The following EVC2 variants were observed in gnomAD, a reference collection of about 807,000 sequenced individuals.
EVC2 encodes the protein limbin.
Under a neutral mutation model 149.3 loss-of-function variants are expected in EVC2, and 148 were observed. The observed-to-expected ratio is 0.99, with a 90% CI of 0.87 to 1.14. The LOEUF is 1.14. Among genes scored for constraint, EVC2 ranks in the 50% most tolerant of loss-of-function variants. The pLI is 0.00. For synonymous variants in EVC2, 776 were observed against 649.9 expected (o/e 1.19, Z -2.95); for missense variants, 1,854 against 1,627.3 (o/e 1.14, Z -2.40).
intron 7 of EVC2, among the ~76,000 whole-genome samples, chr4:5,667,186 TA>T (rs1441509902): frequency 1.3e-5 from 2 of 152,082 alleles, no homozygotes; most frequent in African/African-American, 4.8e-5. Flanking sequence ...TCCATTTCAC[TA>T]AAATAAAAAT....
downstream of EVC2, among the ~76,000 whole-genome samples, chr4:5,561,995 G>C (rs1475942697): frequency 6.6e-6 from 1 of 152,168 alleles, no homozygotes; most frequent in Non-Finnish European, 1.5e-5. Flanking sequence ...GCCCCAGTGA[G>C]ATATTACTGG....
chr4:5,652,716 G>A (rs1235850008), intron 9 of EVC2, among the ~76,000 whole-genome samples: 4 of 152,132 alleles, frequency 2.6e-5, no homozygotes, highest in Non-Finnish European at 5.9e-5. Flanking sequence ...CCAACTAGAG[G>A]ATGCATCATT....
intron 7 of EVC2, 100 bp from the exon 8 acceptor site, chr4:5,665,749 A>G: frequency 6.5e-7 from 1 of 1,535,340 alleles, no homozygotes; most frequent in South Asian, 1.2e-5. Context: ...AGCAGGGACC[A>G]GGGGACTCGC....
intron 17 of EVC2, among the ~76,000 whole-genome samples, chr4:5,578,856 A>G (rs1015335950): frequency 1.3e-5 from 2 of 152,192 alleles, no homozygotes; most frequent in Non-Finnish European, 2.9e-5. Flanking sequence ...GAGCTGGAAG[A>G]GACCACCTCT....
intron 17 of EVC2, among the ~76,000 whole-genome samples, chr4:5,582,331 C>A (rs1711869473): frequency 6.6e-6 from 1 of 152,220 alleles, no homozygotes; most frequent in Admixed American, 6.5e-5. Context: ...GGAGCCCATC[C>A]CTTGGACCAG....
At chr4:5,608,699 A>G (rs1049293420) in intron 16 of EVC2, among the ~76,000 whole-genome samples, 2 of 151,962 alleles carry the variant, frequency 1.3e-5, no homozygotes, top group African/African-American at 4.8e-5. Flanking sequence ...ACACCCAGCT[A>G]ATTTTTTTGT....
At position 5,576,372 on chromosome 4, in the gene EVC2, C is replaced by T. The variant is rs200560762; in HGVS notation, c.3140G>A (p.Trp1047Ter). The T allele has an allele frequency of 6.2e-7, 1 of 1,614,174 alleles. No individual in the cohort carries two copies. Among genetic ancestry groups the T allele is most frequent in the African/African-American group, 1.3e-5 (1 of 75,046 alleles). The change falls in exon 18 of 22, where the codon TGG becomes TAG. Residue 1047 changes from tryptophan (W) to a stop codon, truncating the protein, a stop_gained. Coordinates refer to ENST00000344408, the MANE Select transcript of EVC2 (RefSeq NM_147127.5). LOFTEE classifies it high-confidence loss of function. This position sits in a 1 kb window ranked among gnomAD's most constrained non-coding sequence, Gnocchi z 4.5. ...AAQQQQALASWQQWVADGPGI... is the reference protein window; with the variant it reads ...AAQQQQALAS ...GGGCCCATCGGCCACCCACTGCTGC[C>T]AGCTCGCCAGGGCCTGCTGCTGCTG...
In EVC2 at chr4:5,639,157, G is replaced by C. The variant is rs1430173091; in HGVS notation, c.1470+1357C>G. ...TCTGTGAGTCACGAGTTGTTAACAA[G>C]AGAGCTGCTTATTTGCTCCCAGGGG... On this transcript the variant is annotated intron_variant, in intron 10 of 21. Coordinates refer to ENST00000344408, the MANE Select transcript of EVC2 (RefSeq NM_147127.5). Among the ~76,000 whole-genome samples, 4 of 152,228 alleles carry C rather than the reference G, an allele frequency of 2.6e-5. No homozygotes were observed. In the Middle Eastern group the frequency reaches 0.014, roughly 518 times the overall value.
At chr4:5,659,655 G>C (rs990821451) in intron 9 of EVC2, among the ~76,000 whole-genome samples, 1 of 152,138 alleles carries the variant, frequency 6.6e-6, no homozygotes, top group Non-Finnish European at 1.5e-5. Context: ...TTCCAGAGGT[G>C]CAAGAACAAA....
chr4:5,560,831 A>G (rs1342213034), downstream of EVC2, among the ~76,000 whole-genome samples: 1 of 152,198 alleles, frequency 6.6e-6, no homozygotes, highest in Non-Finnish European at 1.5e-5. This position sits in a 1 kb window ranked among gnomAD's most constrained non-coding sequence, Gnocchi z 4.1. Flanking sequence ...TGAAGTTTAG[A>G]GTGGTAAAAT....
In EVC2 at chr4:5,650,638, T is replaced by TAGAGAGAG. The variant is rs375595646; in HGVS notation, c.1146-9808_1146-9801dup. ...ATATATATATATATATATATATATATAGAGAGAGAGAGAGAGAGAGAGAGA... is the reference window on the plus strand; with the variant it reads ...ATATATATATATATATATATATATATAGAGAGAGAGAGAGAGAGAGAGAGAGAGAGAGA... On this transcript the variant is annotated intron_variant, in intron 9 of 21. Coordinates refer to ENST00000344408, the MANE Select transcript of EVC2 (RefSeq NM_147127.5). Among the ~76,000 whole-genome samples the TAGAGAGAG allele has an allele frequency of 6.8e-3, 307 of 45,030 alleles. 7 individuals are homozygous for TAGAGAGAG. The highest frequency in any genetic ancestry group is 9.3e-3 in the Non-Finnish European group (232 of 25,076). The allele number at this position is 45,030 out of a possible 152,430, so 29.5% of individuals were successfully genotyped here.
intron 19 of EVC2, among the ~76,000 whole-genome samples, chr4:5,574,103 T>G (rs1171104151): frequency 6.6e-6 from 1 of 152,124 alleles, no homozygotes; most frequent in African/African-American, 2.4e-5. Flanking sequence ...CTGTCTGAAG[T>G]TGTATTTCCT....
At chr4:5,698,586 T>C (rs1721631716) in intron 1 of EVC2, among the ~76,000 whole-genome samples, 1 of 152,220 alleles carries the variant, frequency 6.6e-6, no homozygotes, top group African/African-American at 2.4e-5. Context: ...ACCTCTCTAC[T>C]GAATAACAGT....
chr4:5,648,083 A>G (rs1717856460), intron 9 of EVC2, among the ~76,000 whole-genome samples: 1 of 152,204 alleles, frequency 6.6e-6, no homozygotes, highest in African/African-American at 2.4e-5. Context: ...ATAATTTAAT[A>G]CATTCATTTA....
chr4:5,589,942 G>A (rs1712635678), intron 16 of EVC2, among the ~76,000 whole-genome samples: 1 of 152,124 alleles, frequency 6.6e-6, no homozygotes, highest in Non-Finnish European at 1.5e-5. Flanking sequence ...GGTTCCATAA[G>A]GGAGGTCTGT....
chr4:5,622,156 C>T lies in EVC2; in HGVS notation c.2501+381G>A, dbSNP rs908628260. On this transcript the variant is annotated intron_variant, in intron 14 of 21. Coordinates refer to ENST00000344408, the MANE Select transcript of EVC2 (RefSeq NM_147127.5). This position sits in a 1 kb window ranked among gnomAD's most constrained non-coding sequence, Gnocchi z 5.8. ...CCCCTCTGCTCCTGTGGATCATGTC[C>T]CCTCCCCAGGGGACATTTCTTATTA... 2.6e-5 allele frequency among the ~76,000 whole-genome samples: 4 copies of T among 151,944 alleles called. No individual in the cohort carries two copies. The highest frequency in any genetic ancestry group is 1.9e-4 in the East Asian group (1 of 5,134).
At chr4:5,570,506 A>G (rs1038732426) in intron 19 of EVC2, among the ~76,000 whole-genome samples, 1 of 152,224 alleles carries the variant, frequency 6.6e-6, no homozygotes, top group Admixed American at 6.5e-5. Flanking sequence ...ACAGAAATGG[A>G]CCACAAAGTG....
At chr4:5,600,190 C>T (rs988736652) in intron 16 of EVC2, among the ~76,000 whole-genome samples, 5 of 152,274 alleles carry the variant, frequency 3.3e-5, no homozygotes, top group Middle Eastern at 3.4e-3. Flanking sequence ...GTCTGAGTCT[C>T]AGTTTTTCCA....
intron 14 of EVC2, among the ~76,000 whole-genome samples, chr4:5,620,600 C>T (rs773300159): frequency 4.2e-4 from 64 of 152,298 alleles, no homozygotes; most frequent in Admixed American, 7.2e-4. Flanking sequence ...GAAATAAAGG[C>T]TGCAACCTTT....
Sources: gnomAD v4.1 joint callset for allele counts (sites outside exome capture counted in the v4.1 genomes callset) on GRCh38, gnomAD v4.1.1 for gene constraint, Gnocchi (gnomAD v3.1) non-coding constraint, MANE v1.5 for transcripts, NCBI Gene and HGNC (gene_info 2026-07-23, HGNC 2026-07-21) for gene names.